SYNPR: variants seen among roughly 807,000 people sequenced by gnomAD.
The protein encoded by SYNPR is synaptoporin.
A neutral mutation model predicts 32.9 loss-of-function variants in SYNPR; 23 were observed. That is an observed-to-expected ratio of 0.70 (90% confidence interval 0.50 to 0.99). The LOEUF (loss-of-function observed/expected upper bound fraction) is 0.99, where lower values mean the gene tolerates loss of function less well. Ranked by LOEUF, SYNPR falls within the 50% of genes least tolerant of loss-of-function variation. The pLI is 0.00. For missense variants in SYNPR, 318 were observed against 349.3 expected (o/e 0.91, Z 0.71); for synonymous variants, 146 against 135.9 (o/e 1.07, Z -0.52).
intron 3 of SYNPR, among the ~76,000 whole-genome samples, chr3:63,544,434 T>C (rs1212545934): frequency 2.0e-5 from 3 of 152,100 alleles, no homozygotes; most frequent in Non-Finnish European, 4.4e-5. Context: ...ATAATACCTT[T>C]TCAGTGGTTT....
intron 2 of SYNPR, among the ~76,000 whole-genome samples, chr3:63,434,430 A>G (rs1186789413): frequency 6.6e-6 from 1 of 152,228 alleles, no homozygotes; most frequent in Non-Finnish European, 1.5e-5. Flanking sequence ...GGAAAGGCTA[A>G]GAGAGTCTCA....
intron 3 of SYNPR, among the ~76,000 whole-genome samples, chr3:63,510,585 A>T (rs890978459): frequency 1.3e-5 from 2 of 152,166 alleles, no homozygotes; most frequent in Non-Finnish European, 2.9e-5. Flanking sequence ...TGAGGCCATA[A>T]AGGTTAAATC....
intron 1 of SYNPR, among the ~76,000 whole-genome samples, chr3:63,249,965 G>T (rs1347686230): frequency 6.6e-6 from 1 of 152,072 alleles, no homozygotes; most frequent in Non-Finnish European, 1.5e-5. Flanking sequence ...TTGGAAGCTT[G>T]AACAGTGAAT....
chr3:63,571,894 T>C (rs568257148), intron 4 of SYNPR, among the ~76,000 whole-genome samples: 1 of 152,276 alleles, frequency 6.6e-6, no homozygotes, highest in East Asian at 1.9e-4. Flanking sequence ...GACATCAGTT[T>C]CCTGTCCAGC....
intron 2 of SYNPR, among the ~76,000 whole-genome samples, chr3:63,327,338 G>A (rs1433753397): frequency 6.6e-6 from 1 of 151,976 alleles, no homozygotes; most frequent in Non-Finnish European, 1.5e-5. Flanking sequence ...ACTAAAGTGG[G>A]TATATGTATA....
At chr3:63,496,947 T>C (rs1188267844) in intron 3 of SYNPR, among the ~76,000 whole-genome samples, 3 of 152,124 alleles carry the variant, frequency 2.0e-5, no homozygotes, top group Non-Finnish European at 4.4e-5. Flanking sequence ...GGCTCTTTTT[T>C]TATGGAGCTT....
intron 2 of SYNPR, among the ~76,000 whole-genome samples, chr3:63,300,931 C>T (rs142646793): frequency 1.6e-3 from 248 of 151,988 alleles, no homozygotes; most frequent in African/African-American, 6.0e-3. Context: ...TAAATGTTAC[C>T]GTATTTTTAA....
intron 2 of SYNPR, among the ~76,000 whole-genome samples, chr3:63,404,383 G>A (rs1356474815): frequency 6.6e-6 from 1 of 152,120 alleles, no homozygotes; most frequent in Non-Finnish European, 1.5e-5. Flanking sequence ...AATGATAATA[G>A]TCTCACATGA....
intron 3 of SYNPR, among the ~76,000 whole-genome samples, chr3:63,491,953 A>T (rs1328515344): frequency 6.6e-6 from 1 of 152,072 alleles, no homozygotes; most frequent in African/African-American, 2.4e-5. Context: ...ATTGACTCCT[A>T]GGCAAGAGGC....
At chr3:63,578,994 C>T (rs1703042096) in intron 4 of SYNPR, among the ~76,000 whole-genome samples, 1 of 152,096 alleles carries the variant, frequency 6.6e-6, no homozygotes, top group African/African-American at 2.4e-5. Flanking sequence ...CCACTAAACT[C>T]CATTAAATCC....
intron 2 of SYNPR, among the ~76,000 whole-genome samples, chr3:63,423,422 CA>C (rs1699834204): frequency 6.6e-6 from 1 of 152,132 alleles, no homozygotes; most frequent in Admixed American, 6.6e-5. Flanking sequence ...GAGAAGGACT[CA>C]AATCAGTCTC....
chr3:63,457,649 A>G (rs541852783), intron 2 of SYNPR, among the ~76,000 whole-genome samples: 2 of 152,310 alleles, frequency 1.3e-5, no homozygotes, highest in African/African-American at 4.8e-5. Flanking sequence ...GTACTTAGTG[A>G]AAGATCAGAA....
chr3:63,399,660 T>A (rs971189121), intron 2 of SYNPR, among the ~76,000 whole-genome samples: 1 of 152,108 alleles, frequency 6.6e-6, no homozygotes, highest in Non-Finnish European at 1.5e-5. Flanking sequence ...TCTGGGGGGA[T>A]ACAAACATTC....
intron 2 of SYNPR, among the ~76,000 whole-genome samples, chr3:63,261,160 A>G (rs1355312443): frequency 6.6e-6 from 1 of 152,174 alleles, no homozygotes; most frequent in African/African-American, 2.4e-5. Context: ...CAGTGTGGTG[A>G]TTCCTCAGGG....
upstream of SYNPR, among the ~76,000 whole-genome samples, chr3:63,224,707 C>A (rs1442973037): frequency 6.6e-6 from 1 of 152,166 alleles, no homozygotes; most frequent in Non-Finnish European, 1.5e-5. Context: ...GGGCTTTATT[C>A]TCTAAGCTGG....
chr3:63,512,556 T>C (rs1299419420), intron 3 of SYNPR, among the ~76,000 whole-genome samples: 1 of 151,872 alleles, frequency 6.6e-6, no homozygotes, highest in Non-Finnish European at 1.5e-5. Flanking sequence ...AGAGGGAAAG[T>C]AGAAGAGTTA....
chr3:63,266,460 T>C (rs1384653488), intron 2 of SYNPR, among the ~76,000 whole-genome samples: 4 of 151,872 alleles, frequency 2.6e-5, no homozygotes, highest in African/African-American at 9.7e-5. Context: ...CCCAGCAATT[T>C]GGGAGGCCAA....
chr3:63,350,155 T>C (rs1166684086), intron 2 of SYNPR, among the ~76,000 whole-genome samples: 1 of 152,056 alleles, frequency 6.6e-6, no homozygotes, highest in African/African-American at 2.4e-5. Context: ...CTTATAATTA[T>C]ACACAGTATT....
At chr3:63,317,324 G>A (rs1414283850) in intron 2 of SYNPR, among the ~76,000 whole-genome samples, 14 of 151,670 alleles carry the variant, frequency 9.2e-5, no homozygotes, top group African/African-American at 2.4e-4. Context: ...TAGTGCTGTC[G>A]GTGGAGTATT....
Sources: allele counts gnomAD v4.1 joint callset (sites outside exome capture counted in the v4.1 genomes callset), GRCh38; gene constraint gnomAD v4.1.1; transcripts MANE v1.5; gene names NCBI Gene and HGNC (gene_info 2026-07-23, HGNC 2026-07-21).